The following OR4D2 variants were observed in gnomAD, a reference collection of about 807,000 sequenced individuals.
The protein encoded by OR4D2 is olfactory receptor family 4 subfamily D member 2, also known as olfactory receptor 4D2.
In OR4D2, 9 loss-of-function variants were observed where a neutral mutation model predicts 12.4. The ratio of observed to expected loss-of-function variants is 0.73; its 90% confidence interval spans 0.44 to 1.27. The LOEUF (loss-of-function observed/expected upper bound fraction) is 1.27. OR4D2 is among the 50% of genes most tolerant of loss of function. OR4D2 has a pLI of 0.00. For missense variants in OR4D2, 373 were observed against 381.6 expected (o/e 0.98, Z 0.19); for synonymous variants, 151 against 151.1 (o/e 1.00, Z 0.01).
rs145614998 is a variant in OR4D2, at chr17:58,170,295, C to T, written c.640C>T (p.Leu214Phe). The change falls in exon 2 of 2, where the codon CTC becomes TTC. Residue 214 changes from leucine to phenylalanine, a missense_variant. Physicochemically the swap from Leu to Phe is conservative, Grantham distance 22. Transcript: ENST00000545221. ...GLLDVVWFFL[L>F]LMSYLFILVM... ...GCTGGATGTCGTCTGGTTCTTCCTC[C>T]TCCTGATGTCCTACTTATTCATCCT... 11 of 1,614,122 alleles carry T rather than the reference C, an allele frequency of 6.8e-6. No individual in the cohort carries two copies. The highest frequency in any genetic ancestry group is 5.0e-5 in the Admixed American group (3 of 60,010).
intron 1 of OR4D2, among the ~76,000 whole-genome samples, chr17:58,168,771 T>C (rs893096660): frequency 6.6e-6 from 1 of 152,170 alleles, no homozygotes; most frequent in Non-Finnish European, 1.5e-5. Flanking sequence ...CTCCCTCCCT[T>C]TTCTCCCTCT....
intron 1 of OR4D2, chr17:58,169,426 G>T (rs774594266): frequency 3.0e-5 from 17 of 575,636 alleles, no homozygotes; most frequent in Non-Finnish European, 1.2e-5. Context: ...TGAAAGGCAG[G>T]TTGTATATAC....
chr17:58,170,589 T>A lies in OR4D2; in HGVS notation c.*10T>A. On this transcript the variant is annotated 3_prime_UTR_variant, in exon 2 of 2. Transcript: ENST00000545221. ...ACACCGGCTGGTTTGAGAGTGACAA[T>A]GGTAGGTTTCTTCTCTTTGGCTTTG... is the stretch of plus-strand genomic sequence containing the variant. 2 of 1,607,114 alleles carry A rather than the reference T, an allele frequency of 1.2e-6. No individual in the cohort carries two copies. Among genetic ancestry groups the A allele is most frequent in the Non-Finnish European group, 1.7e-6 (2 of 1,173,620 alleles).
Position 58,170,111 on chromosome 17 carries a change from C to T in OR4D2, c.456C>T (p.Gly152=). The T allele has an allele frequency of 1.9e-6, 3 of 1,614,110 alleles. No homozygotes were observed. Among genetic ancestry groups the T allele is most frequent in the Non-Finnish European group, 2.5e-6 (3 of 1,179,996 alleles). The change falls in exon 2 of 2, where the codon GGC becomes GGT. Residue 152 remains glycine, a synonymous_variant. Transcript: ENST00000545221. ...TGGTGGTAGCCACCTGGGTGGGAGG[C>T]TTTGTCCACTCTATTGTCCAGCTGG... ...VGLVVATWVG[G]FVHSIVQLAL...
Position 58,169,903 on chromosome 17 carries a change from T to C in OR4D2, c.248T>C (p.Val83Ala). The part of the protein sequence containing the change: ...FSSVTAPKML[V>A]DLLSEKKTIS... ...TCAGTCACTGCTCCCAAAATGCTAG[T>C]GGACCTCCTCTCTGAGAAGAAAACC... is the stretch of plus-strand genomic sequence containing the variant. Residue 83 changes from valine to alanine, a missense_variant, in exon 2 of 2, where the codon GTG (valine) becomes GCG (alanine). Val to Ala is a moderately conservative substitution (Grantham distance 64, BLOSUM62 0). Transcript: ENST00000545221. The C allele has an allele frequency of 6.2e-7, 1 of 1,614,194 alleles. No homozygotes were observed. The highest frequency in any genetic ancestry group is 8.5e-7 in the Non-Finnish European group (1 of 1,180,026).
chr17:58,167,845 CA>C (rs1301407460), intron 1 of OR4D2, among the ~76,000 whole-genome samples: 5 of 150,616 alleles, frequency 3.3e-5, no homozygotes, highest in African/African-American at 9.8e-5. Flanking sequence ...AACCGTGTTA[CA>C]AAAAAAATTA....
chr17:58,170,213 A>G lies in OR4D2; in HGVS notation c.558A>G (p.Arg186=). 6.2e-7 allele frequency: 1 copy of G among 1,614,042 alleles called. No homozygotes were observed. The highest frequency in any genetic ancestry group is 8.5e-7 in the Non-Finnish European group (1 of 1,179,972). Residue 186 remains arginine, a synonymous_variant, in exon 2 of 2, where the codon AGA becomes AGG. Coordinates refer to ENST00000545221, the MANE Select transcript of OR4D2 (RefSeq NM_001004707.4). ...ACTGTGATGTTCCCCAAGTACTGAG[A>G]CTTGCCTGCACTGACACCTCACTGC... ...NFYCDVPQVL[R]LACTDTSLLE...
rs1342228165 is a variant in OR4D2 at position 58,170,026 on chromosome 17, T to C, written c.371T>C (p.Ile124Thr). Reference protein sequence around the residue: ...FLSVMAFDRLIAISRPLRYVT... With the variant: ...FLSVMAFDRLTAISRPLRYVT... ...TCAGTGATGGCCTTTGACCGCCTCA[T>C]TGCCATCTCCCGGCCCCTCCGCTAT... The change falls in exon 2 of 2, where the codon ATT (isoleucine) becomes ACT (threonine). Residue 124 changes from isoleucine (I) to threonine (T), a missense_variant. Coordinates refer to ENST00000545221, the MANE Select transcript of OR4D2 (RefSeq NM_001004707.4). 1 of 1,614,144 alleles carries C rather than the reference T, an allele frequency of 6.2e-7. No homozygotes were observed. The highest frequency in any genetic ancestry group is 1.7e-5 in the Admixed American group (1 of 60,026).
At position 58,169,383 on chromosome 17, in the gene OR4D2, C is replaced by G. The variant is rs1967929227; in HGVS notation, c.-18-255C>G. The G allele has an allele frequency of 1.7e-5, 8 of 484,308 alleles. No individual in the cohort carries two copies. The South Asian group carries it at 2.0e-4, about 12-fold the overall frequency. 30.0% of individuals were successfully genotyped at this position (484,308 alleles called of 1,614,324 possible). ...GAAATTTGACTTCAGATGTATCTGACTCCAAGTGTCTTCCCACCACTATAT... is the reference window on the plus strand; with the variant it reads ...GAAATTTGACTTCAGATGTATCTGAGTCCAAGTGTCTTCCCACCACTATAT... On this transcript the variant is annotated intron_variant, in intron 1 of 1. Transcript: ENST00000545221.
intron 1 of OR4D2, among the ~76,000 whole-genome samples, chr17:58,169,199 A>AAG (rs1967927499): frequency 6.6e-6 from 1 of 152,240 alleles, no homozygotes; most frequent in East Asian, 1.9e-4. Flanking sequence ...TATTCCATAC[A>AAG]CTGTTTTAGG....
At chr17:58,169,479 C>T (rs1020055540) in intron 1 of OR4D2, 159 bp from the exon 2 acceptor site, 2 of 626,506 alleles carry the variant, frequency 3.2e-6, no homozygotes, top group Non-Finnish European at 5.7e-6. Flanking sequence ...ATTCCAGCAC[C>T]CACTTGTAAA....
Position 58,170,047 on chromosome 17 carries a change from G to A in OR4D2, c.392G>A (p.Arg131His), listed in dbSNP as rs147819968. ...CTCATTGCCATCTCCCGGCCCCTCC[G>A]CTATGTCACCGTCATGAACACTCAG... is the stretch of plus-strand genomic sequence containing the variant. ...DRLIAISRPL[R>H]YVTVMNTQLW... The change falls in exon 2 of 2, where the codon CGC becomes CAC. Residue 131 changes from arginine (R) to histidine (H), a missense_variant. Transcript: ENST00000545221. 218 of 1,613,982 alleles carry A rather than the reference G, an allele frequency of 1.4e-4. No individual in the cohort carries two copies. In the African/African-American group the frequency reaches 1.5e-3, roughly 11 times the overall value.
Position 58,170,532 on chromosome 17 carries a change from G to C in OR4D2, c.877G>C (p.Asp293His), listed in dbSNP as rs772797410. 2.5e-6 allele frequency: 4 copies of C among 1,614,220 alleles called. No individual in the cohort carries two copies. The highest frequency in any genetic ancestry group is 1.6e-4 in the Middle Eastern group (1 of 6,062). ...NPMIYTLRNQ[D>H]MQAAVRRLGR... ...CATGATCTATACCCTGAGGAACCAG[G>C]ACATGCAGGCAGCAGTGAGAAGATT... Residue 293 changes from aspartate to histidine, a missense_variant, in exon 2 of 2, where the codon GAC (aspartate) becomes CAC (histidine). Physicochemically the swap from Asp to His is moderately conservative, Grantham distance 81. Coordinates refer to ENST00000545221, the MANE Select transcript of OR4D2 (RefSeq NM_001004707.4).
Position 58,170,726 on chromosome 17 carries a change from G to T in OR4D2, c.*147G>T, listed in dbSNP as rs571478021. 2 of 662,936 alleles carry T rather than the reference G, an allele frequency of 3.0e-6. No homozygotes were observed. The highest frequency in any genetic ancestry group is 5.4e-5 in the East Asian group (2 of 37,278). 41.1% of individuals were successfully genotyped at this position (662,936 alleles called of 1,614,324 possible). Reference sequence around the variant, plus strand: ...GAAACTAAGCAACTTCGTGTTTTAGGAAAAAAGAAAGTATCCTCTTTGGTG... The same window carrying T: ...GAAACTAAGCAACTTCGTGTTTTAGTAAAAAAGAAAGTATCCTCTTTGGTG... On this transcript the variant is annotated 3_prime_UTR_variant, in exon 2 of 2. Transcript: ENST00000545221.
intron 1 of OR4D2, 117 bp from the exon 2 acceptor site, chr17:58,169,521 T>C (rs1438945277): frequency 2.8e-6 from 2 of 711,014 alleles, no homozygotes; most frequent in East Asian, 4.9e-5. Flanking sequence ...CCTAGTATAA[T>C]GGTCTACACA....
At chr17:58,167,079 C>CA (rs1967900589) in intron 1 of OR4D2, 26 bp downstream of exon 1, 2 of 152,244 alleles carry the variant, frequency 1.3e-5, no homozygotes, top group South Asian at 4.1e-4. Flanking sequence ...AGATTCTCGA[C>CA]ATTGTCACAT....
chr17:58,170,201 C>G lies in OR4D2; in HGVS notation c.546C>G (p.Pro182=), dbSNP rs1332913285. 6.2e-7 allele frequency: 1 copy of G among 1,614,140 alleles called. No homozygotes were observed. Among genetic ancestry groups the G allele is most frequent in the East Asian group, 2.2e-5 (1 of 44,884 alleles). The change falls in exon 2 of 2, where the codon CCC becomes CCG. Residue 182 remains proline (P), a synonymous_variant. Transcript: ENST00000545221. The stretch of plus-strand genomic sequence containing the variant: ...TGGATAACTTCTACTGTGATGTTCC[C>G]CAAGTACTGAGACTTGCCTGCACTG... ...NILDNFYCDV[P]QVLRLACTDT... is the part of the protein sequence containing the mutation.
intron 1 of OR4D2, chr17:58,169,431 A>G (rs1967930167): frequency 1.7e-6 from 1 of 581,498 alleles, no homozygotes. Flanking sequence ...GGCAGGTTGT[A>G]TATACTTCTG....
Position 58,169,973 on chromosome 17 carries a change from T to C in OR4D2, c.318T>C (p.Phe106=). ...TGGGTCAGATCTTCTTCTTCCACTT[T>C]TTGGGAGGTGCCATGGTCTTCTTCC... The part of the protein sequence containing the change: ...GCMGQIFFFH[F]LGGAMVFFLS... Residue 106 remains phenylalanine, a synonymous_variant, in exon 2 of 2, where the codon TTT becomes TTC. Transcript: ENST00000545221. 1 of 1,614,136 alleles carries C rather than the reference T, an allele frequency of 6.2e-7. No individual in the cohort carries two copies. The highest frequency in any genetic ancestry group is 8.5e-7 in the Non-Finnish European group (1 of 1,180,012).
Sources: gnomAD v4.1 joint callset for allele counts (sites outside exome capture counted in the v4.1 genomes callset) on GRCh38, gnomAD v4.1.1 for gene constraint, MANE v1.5 for transcripts, NCBI Gene and HGNC (gene_info 2026-07-23, HGNC 2026-07-21) for gene names.